FRMD5: variants seen among roughly 807,000 people sequenced by gnomAD.
The protein encoded by FRMD5 is FERM domain containing 5.
FRMD5 carries 20 observed loss-of-function variants against 69.0 expected under a neutral mutation model. That is an observed-to-expected ratio of 0.29 (90% confidence interval 0.20 to 0.42). The LOEUF is 0.42. Among genes scored for constraint, FRMD5 ranks in the 10% least tolerant of loss-of-function variants. FRMD5 has a pLI of 1.00. For missense variants in FRMD5, 595 were observed against 708.6 expected (o/e 0.84, Z 1.82); for synonymous variants, 271 against 260.1 (o/e 1.04, Z -0.40).
chr15:44,003,993 GAATA>G (rs1277696610), intron 1 of FRMD5, among the ~76,000 whole-genome samples: 1 of 152,160 alleles, frequency 6.6e-6, no homozygotes, highest in Non-Finnish European at 1.5e-5. Context: ...GATGTTAAAT[GAATA>G]AATTATTAGG....
intron 1 of FRMD5, among the ~76,000 whole-genome samples, chr15:44,112,632 A>T (rs2076814507): frequency 1.3e-5 from 2 of 151,894 alleles, no homozygotes; most frequent in Admixed American, 1.3e-4. Context: ...ATGCCCTGCT[A>T]ATTTTTTGTA....
Position 44,150,625 on chromosome 15 carries a change from C to CT in FRMD5, c.102+44327dup, listed in dbSNP as rs201159673. On this transcript the variant is annotated intron_variant, in intron 1 of 13. Transcript: ENST00000417257. ...TGAGAGACCCTGTCTCTACAAAATT[C>CT]TTTTTTTTTTTTTTTTCAATTAGCC... is the stretch of plus-strand genomic sequence containing the variant. 6.3e-3 allele frequency among the ~76,000 whole-genome samples: 840 copies of CT among 133,368 alleles called. 5 individuals carry two copies. Among genetic ancestry groups the CT allele is most frequent in the East Asian group, 0.015 (70 of 4,618 alleles). 87.5% of individuals were successfully genotyped at this position (133,368 alleles called of 152,430 possible).
chr15:44,067,036 G>A (rs1893339939), intron 1 of FRMD5, among the ~76,000 whole-genome samples: 3 of 152,098 alleles, frequency 2.0e-5, no homozygotes, highest in Non-Finnish European at 2.9e-5. Flanking sequence ...CCAAGAAGAA[G>A]AGGGATGGAA....
intron 2 of FRMD5, 113 bp from the exon 3 acceptor site, chr15:43,919,922 C>T: frequency 1.1e-6 from 1 of 945,298 alleles, no homozygotes; most frequent in East Asian, 2.5e-5. Flanking sequence ...GAAAGCAGCC[C>T]AAAAGCTTAT....
intron 1 of FRMD5, among the ~76,000 whole-genome samples, chr15:44,162,945 C>T (rs1230668050): frequency 6.6e-6 from 1 of 150,690 alleles, no homozygotes; most frequent in Non-Finnish European, 1.5e-5. Context: ...GAGGCCAAGA[C>T]GGTCGGATCA....
At chr15:44,026,564 G>GA (rs1891438390) in intron 1 of FRMD5, among the ~76,000 whole-genome samples, 1 of 151,972 alleles carries the variant, frequency 6.6e-6, no homozygotes, top group African/African-American at 2.4e-5. Flanking sequence ...ACTGAACTAC[G>GA]AATCTGTTAT....
At chr15:43,910,571 T>TAAA (rs2089268400) in intron 4 of FRMD5, among the ~76,000 whole-genome samples, 2 of 47,738 alleles carry the variant, frequency 4.2e-5, no homozygotes, top group South Asian at 6.4e-4. Flanking sequence ...AGACCTTGTC[T>TAAA]CAAAAAAAAA....
intron 1 of FRMD5, among the ~76,000 whole-genome samples, chr15:44,024,161 A>G (rs1283915032): frequency 6.6e-6 from 1 of 152,098 alleles, no homozygotes; most frequent in African/African-American, 2.4e-5. Flanking sequence ...AATCATAGAG[A>G]AAAGTACAGA....
intron 1 of FRMD5, among the ~76,000 whole-genome samples, chr15:44,171,548 A>T (rs1389408946): frequency 6.6e-6 from 1 of 151,448 alleles, no homozygotes; most frequent in Non-Finnish European, 1.5e-5. Context: ...TTTAGAAATT[A>T]TTTTTTTTTC....
At chr15:43,900,097 A>G (rs2089008758) in intron 7 of FRMD5, among the ~76,000 whole-genome samples, 1 of 152,150 alleles carries the variant, frequency 6.6e-6, no homozygotes, top group Admixed American at 6.5e-5. Flanking sequence ...ATCTTCAGGC[A>G]GCCGTCTTTA....
At chr15:44,166,823 G>A (rs1239453978) in intron 1 of FRMD5, among the ~76,000 whole-genome samples, 1 of 147,960 alleles carries the variant, frequency 6.8e-6, no homozygotes, top group African/African-American at 2.5e-5. Flanking sequence ...AAGTTCTTGT[G>A]CAAAGATTAA....
At chr15:43,962,545 G>GA (rs1466476088) in intron 1 of FRMD5, among the ~76,000 whole-genome samples, 4 of 152,120 alleles carry the variant, frequency 2.6e-5, no homozygotes, top group African/African-American at 7.2e-5. Flanking sequence ...CACAGAATTG[G>GA]AAAAAACTAC....
At chr15:44,132,193 C>G (rs1432714011) in intron 1 of FRMD5, among the ~76,000 whole-genome samples, 2 of 152,160 alleles carry the variant, frequency 1.3e-5, no homozygotes, top group East Asian at 3.9e-4. Context: ...GGAGGCGGAG[C>G]TCAGGCGGTA....
rs550648326 is a variant in FRMD5 at position 44,151,883 on chromosome 15, AAAAC to A, written c.102+43066_102+43069del. Among the ~76,000 whole-genome samples, 48 of 152,328 alleles carry A rather than the reference AAAAC, an allele frequency of 3.2e-4. 2 individuals are homozygous for A. In the East Asian group the frequency reaches 7.5e-3, roughly 24 times the overall value. ...TGTCCGGAATATATAGTAAACTCCT[AAAAC>A]AAACAAACAAAAATCACAATTAGTA... On this transcript the variant is annotated intron_variant, in intron 1 of 13. Transcript: ENST00000417257.
intron 1 of FRMD5, among the ~76,000 whole-genome samples, chr15:44,030,269 A>G (rs1337878629): frequency 6.6e-6 from 1 of 152,096 alleles, no homozygotes; most frequent in Non-Finnish European, 1.5e-5. Flanking sequence ...TGGTGCTCTA[A>G]TAAGATTTAC....
chr15:44,018,674 C>T (rs1319504752), intron 1 of FRMD5, among the ~76,000 whole-genome samples: 1 of 152,082 alleles, frequency 6.6e-6, no homozygotes, highest in South Asian at 2.1e-4. Context: ...AGGAGAAAGC[C>T]CTGGCTTCCA....
intron 1 of FRMD5, among the ~76,000 whole-genome samples, chr15:44,004,438 T>C (rs1237501956): frequency 6.6e-6 from 1 of 152,242 alleles, no homozygotes. Flanking sequence ...ATTTTTCCAA[T>C]AGCACATGCA....
intron 1 of FRMD5, among the ~76,000 whole-genome samples, chr15:44,145,223 A>C (rs2077338856): frequency 6.6e-6 from 1 of 152,134 alleles, no homozygotes; most frequent in Admixed American, 6.5e-5. Context: ...CAGATAGCAA[A>C]ACTGCACAGA....
intron 4 of FRMD5, among the ~76,000 whole-genome samples, chr15:43,918,125 A>G (rs560507124): frequency 6.6e-6 from 1 of 152,304 alleles, no homozygotes; most frequent in Non-Finnish European, 1.5e-5. Context: ...TCTTTAGATC[A>G]GGAAATGAAA....
Sources: gnomAD v4.1 joint callset for allele counts (sites outside exome capture counted in the v4.1 genomes callset) on GRCh38, gnomAD v4.1.1 for gene constraint, MANE v1.5 for transcripts, NCBI Gene and HGNC (gene_info 2026-07-23, HGNC 2026-07-21) for gene names.